The following PRELID2 variants were observed in gnomAD, a reference collection of about 807,000 sequenced individuals.
PRELID2 encodes the protein PRELI domain containing 2.
Under a neutral mutation model 28.4 loss-of-function variants are expected in PRELID2, and 25 were observed. The observed-to-expected ratio is 0.88, with a 90% confidence interval of 0.64 to 1.23. The LOEUF is 1.23. Among genes scored for constraint, PRELID2 ranks in the 50% most tolerant of loss-of-function variants. The pLI is 0.00. For missense variants in PRELID2, 201 were observed against 214.4 expected, an observed-to-expected ratio of 0.94 and a Z score of 0.39; for synonymous variants, 76 against 71.6, an observed-to-expected ratio of 1.06 and a Z score of -0.31.
chr5:145,444,432 C>T, the PRELID2 span, among the ~76,000 whole-genome samples: 17 of 152,034 alleles, frequency 1.1e-4, no homozygotes, highest in African/African-American at 3.9e-4. Context: ...TAATTACCCT[C>T]TAACAGTTAT....
At chr5:145,301,261 G>C in the PRELID2 span, among the ~76,000 whole-genome samples, 6 of 152,066 alleles carry the variant, frequency 3.9e-5, no homozygotes, top group Non-Finnish European at 8.8e-5. Flanking sequence ...AGCACATTTT[G>C]ATGTACTTTT....
chr5:145,824,624 G>A (rs553281776), intron 1 of PRELID2, among the ~76,000 whole-genome samples: 9 of 152,236 alleles, frequency 5.9e-5, no homozygotes, highest in Non-Finnish European at 1.0e-4. Context: ...AACAGCCAGC[G>A]TAATGCCTGG....
chr5:145,599,476 C>T (rs1262147240), intron 1 of PRELID2, among the ~76,000 whole-genome samples: 1 of 152,106 alleles, frequency 6.6e-6, no homozygotes, highest in African/African-American at 2.4e-5. Context: ...CCATGAAGGT[C>T]CCAACTTCCT....
chr5:145,663,414 A>G lies in PRELID2; in HGVS notation n.70+101517T>C, dbSNP rs112038534. On this transcript the variant is annotated intron_variant and non_coding_transcript_variant, in intron 1 of 2. Coordinates refer to the PRELID2 transcript ENST00000510259. ...ACAATTGAAGAGAAACAGTAACTTC[A>G]TATTACTACCAGATATTCATGGAAA... Among the ~76,000 whole-genome samples, 1,291 of 152,252 alleles carry G rather than the reference A, an allele frequency of 8.5e-3. 27 individuals are homozygous for G. The highest frequency in any genetic ancestry group is 0.03 in the African/African-American group (1,236 of 41,536).
intron 4 of PRELID2, among the ~76,000 whole-genome samples, chr5:145,808,957 G>T (rs1306916999): frequency 6.7e-6 from 1 of 149,510 alleles, no homozygotes; most frequent in African/African-American, 2.5e-5. Context: ...GTTTGATTTT[G>T]ACTTGTTTTT....
intron 3 of PRELID2, 114 bp from the exon 4 acceptor site, chr5:145,818,168 C>A: frequency 9.4e-7 from 1 of 1,067,102 alleles, no homozygotes; most frequent in South Asian, 1.6e-5. Context: ...AATCCTGATA[C>A]ATGGATGATG....
At chr5:145,317,398 G>C in the PRELID2 span, among the ~76,000 whole-genome samples, 3 of 152,188 alleles carry the variant, frequency 2.0e-5, no homozygotes, top group Non-Finnish European at 2.9e-5. Context: ...AGAACAGCCT[G>C]TGGCCCCAGA....
chr5:145,531,892 T>C (rs1752657515), intron 1 of PRELID2, among the ~76,000 whole-genome samples: 1 of 152,206 alleles, frequency 6.6e-6, no homozygotes, highest in South Asian at 2.1e-4. Context: ...ATCCTAGCTC[T>C]GTCACTTGCT....
intron 1 of PRELID2, among the ~76,000 whole-genome samples, chr5:145,612,003 AC>A (rs1056070565): frequency 3.9e-5 from 6 of 152,206 alleles, no homozygotes; most frequent in Non-Finnish European, 5.9e-5. Flanking sequence ...AACAAATAAC[AC>A]TTTGTATCTA....
At chr5:145,708,062 T>C (rs1292544066) in intron 1 of PRELID2, among the ~76,000 whole-genome samples, 2 of 152,164 alleles carry the variant, frequency 1.3e-5, no homozygotes, top group Non-Finnish European at 2.9e-5. Flanking sequence ...ATGTATCTGA[T>C]GTTGCTCTAG....
At chr5:145,675,789 G>C (rs942381096) in intron 1 of PRELID2, among the ~76,000 whole-genome samples, 3 of 152,200 alleles carry the variant, frequency 2.0e-5, no homozygotes. Flanking sequence ...GAAAATGTTT[G>C]CTGAACTCGG....
At chr5:145,732,517 T>C (rs1756374148) in intron 1 of PRELID2, among the ~76,000 whole-genome samples, 1 of 152,232 alleles carries the variant, frequency 6.6e-6, no homozygotes, top group African/African-American at 2.4e-5. Flanking sequence ...GAAATGTGAC[T>C]AGTGAGACCT....
the PRELID2 span, among the ~76,000 whole-genome samples, chr5:145,331,962 CTGG>C: frequency 1.3e-5 from 2 of 152,150 alleles, no homozygotes; most frequent in African/African-American, 4.8e-5. Context: ...TAAGGCAGGC[CTGG>C]TGGTGACAAA....
intron 1 of PRELID2, among the ~76,000 whole-genome samples, chr5:145,627,097 CAAAAAAA>C (rs745309247): frequency 4.8e-5 from 2 of 41,822 alleles, no homozygotes; most frequent in African/African-American, 1.5e-4. Flanking sequence ...AAGACTCTCC[CAAAAAAA>C]AAAAAAAAAA....
intron 1 of PRELID2, among the ~76,000 whole-genome samples, chr5:145,736,591 G>C (rs1756503060): frequency 6.6e-6 from 1 of 152,024 alleles, no homozygotes; most frequent in Non-Finnish European, 1.5e-5. Context: ...AACTGAATAG[G>C]GGAGAGGATT....
chr5:145,450,217 T>C, the PRELID2 span, among the ~76,000 whole-genome samples: 113 of 152,262 alleles, frequency 7.4e-4, no homozygotes, highest in Middle Eastern at 3.4e-3. Flanking sequence ...CAGTCCCTCA[T>C]TGCAAAACAC....
At chr5:145,816,325 C>A (rs999484621) in intron 4 of PRELID2, among the ~76,000 whole-genome samples, 1 of 151,882 alleles carries the variant, frequency 6.6e-6, no homozygotes, top group African/African-American at 2.4e-5. Context: ...CAAGTGATCA[C>A]CCCGCCTTGG....
intron 1 of PRELID2, among the ~76,000 whole-genome samples, chr5:145,479,190 T>C (rs935980387): frequency 6.6e-6 from 1 of 152,132 alleles, no homozygotes; most frequent in Non-Finnish European, 1.5e-5. Context: ...TGCTCTCTGA[T>C]CCCTTAAAAC....
At chr5:145,790,890 G>GATATATATATATAT (rs1561612090) in intron 5 of PRELID2, among the ~76,000 whole-genome samples, 3 of 39,424 alleles carry the variant, frequency 7.6e-5, no homozygotes, top group African/African-American at 1.4e-4. Flanking sequence ...TTCACTTCTG[G>GATATATATATATAT]GTATATATAT....
Sources: allele counts gnomAD v4.1 joint callset (sites outside exome capture counted in the v4.1 genomes callset), GRCh38; gene constraint gnomAD v4.1.1; transcripts MANE v1.5; gene names NCBI Gene and HGNC (gene_info 2026-07-23, HGNC 2026-07-21).